Variants in NEK9 observed in about 807,000 individuals in gnomAD.
NEK9 encodes the protein NIMA related kinase 9, also known as serine/threonine-protein kinase Nek9.
Under a neutral mutation model 123.4 loss-of-function variants are expected in NEK9, and 75 were observed. That is an observed-to-expected ratio of 0.61 (90% CI 0.50 to 0.74). The LOEUF (loss-of-function observed/expected upper bound fraction) is 0.74. NEK9 is among the 30% of genes least tolerant of loss of function. The pLI, the probability that NEK9 is intolerant of heterozygous loss-of-function variation, is 0.00. For synonymous variants in NEK9, 438 were observed against 458.7 expected (o/e 0.95, Z 0.58); for missense variants, 952 against 1,214.4 (o/e 0.78, Z 3.21).
Position 75,086,848 on chromosome 14 carries a change from GT to G in NEK9, c.2817+169del, listed in dbSNP as rs1461411283. On this transcript the variant is annotated intron_variant, in intron 21 of 21. Transcript: ENST00000238616. ...TTGAATCCGGGAGGCGGAGGTTGCA[GT>G]AAGCCAAGATAGCACCACTGCACTC... 7.8e-6 allele frequency: 5 copies of G among 641,912 alleles called. No homozygotes were observed. The African/African-American group carries it at 9.1e-5, about 12-fold the overall frequency. The allele number at this position is 641,912 out of a possible 1,614,324, so 39.8% of individuals were successfully genotyped here. A position where few individuals can be genotyped will look rare whatever the true frequency, so the allele number is the denominator to read the frequency against.
chr14:75,106,291 G>C lies in NEK9; in HGVS notation c.1528+211C>G, dbSNP rs1894769750. Reference sequence around the variant, plus strand: ...GGAGAATCACTCGAACTCGGGAGGTGGTGGTTGCAATGAGCCCAGATCATG... The same window carrying C: ...GGAGAATCACTCGAACTCGGGAGGTCGTGGTTGCAATGAGCCCAGATCATG... On this transcript the variant is annotated intron_variant, in intron 12 of 21. Coordinates refer to ENST00000238616, the MANE Select transcript of NEK9 (RefSeq NM_033116.6). 6 of 593,858 alleles carry C rather than the reference G, an allele frequency of 1.0e-5. No homozygotes were observed. In the South Asian group the frequency reaches 1.0e-4, roughly 10 times the overall value. The allele number at this position is 593,858 out of a possible 1,614,324, so 36.8% of individuals were successfully genotyped here.
intron 18 of NEK9, among the ~76,000 whole-genome samples, chr14:75,094,494 C>A (rs1411846441): frequency 6.6e-6 from 1 of 152,120 alleles, no homozygotes. Context: ...TGTTTTGATT[C>A]CAAACAATAT....
Position 75,087,006 on chromosome 14 carries a change from T to C in NEK9, c.2817+12A>G, listed in dbSNP as rs370614379. 5.5e-5 allele frequency: 88 copies of C among 1,611,360 alleles called. No individual in the cohort carries two copies. The highest frequency in any genetic ancestry group is 7.3e-5 in the Non-Finnish European group (86 of 1,177,456). On this transcript the variant is annotated intron_variant, in intron 21 of 21. Transcript: ENST00000238616. ...AGGCTTAGAAATTGGATTATTCTTTTAATGCTCTCACCTGCTGCCCTCCTT... is the reference window on the plus strand; with the variant it reads ...AGGCTTAGAAATTGGATTATTCTTTCAATGCTCTCACCTGCTGCCCTCCTT...
chr14:75,120,030 T>C (rs1488673967), intron 4 of NEK9, among the ~76,000 whole-genome samples: 1 of 152,232 alleles, frequency 6.6e-6, no homozygotes, highest in Non-Finnish European at 1.5e-5. Context: ...GTGAAAATGT[T>C]ATTGAGATGC....
chr14:75,120,522 C>A lies in NEK9; in HGVS notation c.512G>T (p.Gly171Val). The A allele has an allele frequency of 1.2e-6, 2 of 1,611,564 alleles. No individual in the cohort carries two copies. Among genetic ancestry groups the A allele is most frequent in the Non-Finnish European group, 1.7e-6 (2 of 1,178,218 alleles). Residue 171 changes from glycine (G) to valine (V), a missense_variant, in exon 4 of 22, where the codon GGA (glycine) becomes GTA (valine). This residue lies in a region of NEK9 where 106 missense variants were observed against 153.0 expected (regional missense o/e 0.69). Coordinates refer to ENST00000238616, the MANE Select transcript of NEK9 (RefSeq NM_033116.6). ...TTTTACTTCTTACCTATGAAGGATT[C>A]CAGCTTTATGGATGCAGCTCACTGC... is the stretch of plus-strand genomic sequence containing the variant. ...VSAVSCIHKA[G>V]ILHRDIKTLN...
In NEK9 at chr14:75,084,276, G is replaced by T; in HGVS notation, c.*288C>A. The T allele has an allele frequency of 2.9e-6, 1 of 342,968 alleles. No individual in the cohort carries two copies. The highest frequency in any genetic ancestry group is 4.1e-5 in the South Asian group (1 of 24,616). 21.2% of individuals were successfully genotyped at this position (342,968 alleles called of 1,614,324 possible). A position where few individuals can be genotyped will look rare whatever the true frequency, so the allele number is the denominator to read the frequency against. On this transcript the variant is annotated 3_prime_UTR_variant, in exon 22 of 22. Transcript: ENST00000238616. ...TGAGCACTGTGTCTCCTCTTCAAAG[G>T]TGGGATCAACAGATGAGGTACAGAG...
rs775453859 is a variant in NEK9, at chr14:75,106,597, AG to A, written c.1432del (p.Leu478SerfsTer18). 1.9e-6 allele frequency: 3 copies of A among 1,614,104 alleles called. No individual in the cohort carries two copies. Among genetic ancestry groups the A allele is most frequent in the Non-Finnish European group, 2.5e-6 (3 of 1,180,008 alleles). ...GGAGACCTGCTCCACTGGATTGCTG[AG>A]GAAGAAGTTCAGCTGCATGGGTTCT... The part of the protein sequence containing the change: ...VLEPMQLNFF[L>X]SNPVEQVSCG... On this transcript the variant is annotated frameshift_variant, in exon 12 of 22. Coordinates refer to ENST00000238616, the MANE Select transcript of NEK9 (RefSeq NM_033116.6). LOFTEE classifies it high-confidence loss of function.
chr14:75,083,166 T>A lies in NEK9; in HGVS notation c.*1398A>T, dbSNP rs1220833371. Reference sequence around the variant, plus strand: ...GAAGATGAAACAAAATTAATTTAGCTGTTTATAGGAAGGTGGGATGTGAGA... The same window carrying A: ...GAAGATGAAACAAAATTAATTTAGCAGTTTATAGGAAGGTGGGATGTGAGA... On this transcript the variant is annotated 3_prime_UTR_variant, in exon 22 of 22. Coordinates refer to ENST00000238616, the MANE Select transcript of NEK9 (RefSeq NM_033116.6). 1 of 398,410 alleles carries A rather than the reference T, an allele frequency of 2.5e-6. No homozygotes were observed. The highest frequency in any genetic ancestry group is 2.1e-5 in the African/African-American group (1 of 48,624). The allele number at this position is 398,410 out of a possible 1,614,324, so 24.7% of individuals were successfully genotyped here. A position where few individuals can be genotyped will look rare whatever the true frequency, so the allele number is the denominator to read the frequency against.
chr14:75,106,834 A>C, intron 11 of NEK9, 132 bp from the exon 12 acceptor site: 1 of 675,062 alleles, frequency 1.5e-6, no homozygotes. Flanking sequence ...CAAGAAATTA[A>C]AAGGACAGAC....
chr14:75,090,637 G>A (rs1247017063), intron 19 of NEK9, among the ~76,000 whole-genome samples: 1 of 151,380 alleles, frequency 6.6e-6, no homozygotes, highest in Non-Finnish European at 1.5e-5. Flanking sequence ...TCATGGCACA[G>A]CTCGGCTCAC....
intron 2 of NEK9, 87 bp downstream of exon 2, chr14:75,123,959 A>T: frequency 8.7e-7 from 1 of 1,147,890 alleles, no homozygotes. Context: ...TTATCACTGT[A>T]TATGTCTCTT....
Position 75,092,403 on chromosome 14 carries a change from AT to A in NEK9, c.2234-926del, listed in dbSNP as rs199861886. On this transcript the variant is annotated intron_variant, in intron 18 of 21. Coordinates refer to ENST00000238616, the MANE Select transcript of NEK9 (RefSeq NM_033116.6). The stretch of plus-strand genomic sequence containing the variant: ...TGCCTCAGCCTCCTGAGTAGCTGGG[AT>A]TACAGGTGCCCGCCACCATGCCTGG... Among the ~76,000 whole-genome samples, 910 of 151,890 alleles carry A rather than the reference AT, an allele frequency of 6.0e-3. 8 individuals carry two copies. Among genetic ancestry groups the A allele is most frequent in the African/African-American group, 0.021 (876 of 41,404 alleles).
In NEK9 at chr14:75,126,953, G is replaced by C. The variant is rs1214315768; in HGVS notation, c.-32C>G. 9 of 1,416,188 alleles carry C rather than the reference G, an allele frequency of 6.4e-6. No individual in the cohort carries two copies. Among genetic ancestry groups the C allele is most frequent in the Non-Finnish European group, 8.4e-6 (9 of 1,076,842 alleles). 87.7% of individuals were successfully genotyped at this position (1,416,188 alleles called of 1,614,324 possible). On this transcript the variant is annotated 5_prime_UTR_variant, in exon 1 of 22. Coordinates refer to ENST00000238616, the MANE Select transcript of NEK9 (RefSeq NM_033116.6). Reference sequence around the variant, plus strand: ...GGCCGCGGGCCTTGGGGACCAGCCTGCGTATGCCCGGAGGCCCTGGCCGCG... The same window carrying C: ...GGCCGCGGGCCTTGGGGACCAGCCTCCGTATGCCCGGAGGCCCTGGCCGCG...
chr14:75,088,566 T>C lies in NEK9; in HGVS notation c.2518A>G (p.Lys840Glu). Residue 840 changes from lysine to glutamate, a missense_variant, in exon 20 of 22, where the codon AAA becomes GAA. Lys to Glu is a moderately conservative substitution (Grantham distance 56, BLOSUM62 1). Coordinates refer to ENST00000238616, the MANE Select transcript of NEK9 (RefSeq NM_033116.6). ...PLSAAFSESE[K>E]DTLPYEELQG... Reference sequence around the variant, plus strand: ...AGCTCTTCATAGGGCAGGGTATCTTTCTCAGATTCTGAAAACGCTGCACTG... The same window carrying C: ...AGCTCTTCATAGGGCAGGGTATCTTCCTCAGATTCTGAAAACGCTGCACTG... 6.2e-7 allele frequency: 1 copy of C among 1,614,072 alleles called. No individual in the cohort carries two copies. The highest frequency in any genetic ancestry group is 8.5e-7 in the Non-Finnish European group (1 of 1,180,008).
At chr14:75,101,304 A>G (rs904233796) in intron 15 of NEK9, 151 bp from the exon 16 acceptor site, 158 of 803,884 alleles carry the variant, frequency 2.0e-4, no homozygotes, top group Middle Eastern at 3.7e-4. Context: ...GGACAAATAC[A>G]GTATCTAGGC....
At position 75,083,097 on chromosome 14, in the gene NEK9, A is replaced by G. The variant is rs1893915367; in HGVS notation, c.*1467T>C. 2 of 398,280 alleles carry G rather than the reference A, an allele frequency of 5.0e-6. No homozygotes were observed. Among genetic ancestry groups the G allele is most frequent in the African/African-American group, 4.1e-5 (2 of 48,552 alleles). The allele number at this position is 398,280 out of a possible 1,614,324, so 24.7% of individuals were successfully genotyped here. A position where few individuals can be genotyped will look rare whatever the true frequency, so the allele number is the denominator to read the frequency against. Reference sequence around the variant, plus strand: ...AATGGCAAAATTTCCATTGCACAAGACCTCCCACAATGTTGATAAGATTAT... The same window carrying G: ...AATGGCAAAATTTCCATTGCACAAGGCCTCCCACAATGTTGATAAGATTAT... On this transcript the variant is annotated 3_prime_UTR_variant, in exon 22 of 22. Coordinates refer to ENST00000238616, the MANE Select transcript of NEK9 (RefSeq NM_033116.6).
intron 10 of NEK9, among the ~76,000 whole-genome samples, chr14:75,109,453 C>G (rs1172230709): frequency 6.6e-6 from 1 of 152,150 alleles, no homozygotes; most frequent in African/African-American, 2.4e-5. Flanking sequence ...TTCTCTCCCT[C>G]TCTCATTCAT....
rs775782199 is a variant in NEK9, at chr14:75,082,711, C to T, written c.*1853G>A. 1.0e-4 allele frequency: 34 copies of T among 335,258 alleles called. No homozygotes were observed. Among genetic ancestry groups the T allele is most frequent in the Admixed American group, 9.7e-5 (2 of 20,606 alleles). The allele number at this position is 335,258 out of a possible 1,614,324, so 20.8% of individuals were successfully genotyped here. ...AGAAGCAATCCTCATGATGAACACC[C>T]AAACTGACCCAGCCTCTCAGGCCTG... is the stretch of plus-strand genomic sequence containing the variant. On this transcript the variant is annotated 3_prime_UTR_variant, in exon 22 of 22. Transcript: ENST00000238616.
chr14:75,082,936 CT>C lies in NEK9; in HGVS notation c.*1627del. 1 of 398,596 alleles carries C rather than the reference CT, an allele frequency of 2.5e-6. No homozygotes were observed. Among genetic ancestry groups the C allele is most frequent in the South Asian group, 1.3e-4 (1 of 7,852 alleles). 24.7% of individuals were successfully genotyped at this position (398,596 alleles called of 1,614,324 possible). A position where few individuals can be genotyped will look rare whatever the true frequency, so the allele number is the denominator to read the frequency against. On this transcript the variant is annotated 3_prime_UTR_variant, in exon 22 of 22. Transcript: ENST00000238616. ...AAAGGTTTCAGTGATTACATTAGTACTAATGTACTAGGCTTCCCAGAACTGA... is the reference window on the plus strand; with the variant it reads ...AAAGGTTTCAGTGATTACATTAGTACAATGTACTAGGCTTCCCAGAACTGA...
Sources: allele counts gnomAD v4.1 joint callset (sites outside exome capture counted in the v4.1 genomes callset), GRCh38; gene constraint gnomAD v4.1.1; regional missense constraint gnomAD v4.1.1; transcripts MANE v1.5; gene names NCBI Gene and HGNC (gene_info 2026-07-23, HGNC 2026-07-21).